The following MRLN variants were observed in gnomAD, a reference collection of about 807,000 sequenced individuals.
MRLN encodes myoregulin.
intron 1 of MRLN, among the ~76,000 whole-genome samples, chr10:59,745,965 C>T (rs751311322): frequency 6.6e-6 from 1 of 152,180 alleles, no homozygotes; most frequent in Non-Finnish European, 1.5e-5. Flanking sequence ...AAAAGTATTA[C>T]GAGTTCTGAG....
In MRLN at chr10:59,738,510, C is replaced by T. The variant is rs1840947127; in HGVS notation, c.-72G>A. 1 of 152,188 alleles carries T rather than the reference C, an allele frequency of 6.6e-6. No individual in the cohort carries two copies. Among genetic ancestry groups the T allele is most frequent in the Non-Finnish European group, 1.5e-5 (1 of 68,044 alleles). The allele number at this position is 152,188 out of a possible 1,614,324, so 9.4% of individuals were successfully genotyped here. A position where few individuals can be genotyped will look rare whatever the true frequency, so the allele number is the denominator to read the frequency against. Reference sequence around the variant, plus strand: ...TAACACGGCTTCTCAGTTTTCTGCTCTTGCCAGAACAAAGTGTATTCAGCA... The same window carrying T: ...TAACACGGCTTCTCAGTTTTCTGCTTTTGCCAGAACAAAGTGTATTCAGCA... On this transcript the variant is annotated 5_prime_UTR_variant, in exon 2 of 3. Transcript: ENST00000414264.
chr10:59,750,158 C>T (rs535341901), intron 1 of MRLN, among the ~76,000 whole-genome samples: 46 of 150,452 alleles, frequency 3.1e-4, no homozygotes, highest in Admixed American at 3.0e-3. Context: ...CTGCAACCTC[C>T]GCCTCCTGGG....
intron 1 of MRLN, among the ~76,000 whole-genome samples, chr10:59,743,059 C>T (rs1247800288): frequency 1.3e-5 from 2 of 151,948 alleles, no homozygotes; most frequent in African/African-American, 4.8e-5. Context: ...ATATGTTAGA[C>T]TTCATAATTA....
chr10:59,739,740 G>GCAGT (rs1394310981), intron 1 of MRLN: 1 of 152,210 alleles, frequency 6.6e-6, no homozygotes, highest in African/African-American at 2.4e-5. Flanking sequence ...TTAACCATGT[G>GCAGT]CAGTCACACA....
At chr10:59,745,031 G>T (rs1841028688) in intron 1 of MRLN, among the ~76,000 whole-genome samples, 1 of 151,922 alleles carries the variant, frequency 6.6e-6, no homozygotes, top group Non-Finnish European at 1.5e-5. Context: ...ATGTTTATCT[G>T]CTGACCTTCC....
rs534210590 is a variant in MRLN at position 59,747,720 on chromosome 10, C to G, written c.-125+5634G>C. Among the ~76,000 whole-genome samples the G allele has an allele frequency of 3.3e-5, 5 of 152,298 alleles. No homozygotes were observed. The South Asian group carries it at 1.0e-3, about 32-fold the overall frequency. ...GTATCATGGTTGTTTACATGCAATA[C>G]GCTATAGTCAGTGATGCTTTCCTAG... On this transcript the variant is annotated intron_variant, in intron 1 of 2. Transcript: ENST00000414264.
At chr10:59,744,471 C>T (rs1407278973) in intron 1 of MRLN, among the ~76,000 whole-genome samples, 4 of 150,784 alleles carry the variant, frequency 2.7e-5, no homozygotes, top group Non-Finnish European at 4.4e-5. Flanking sequence ...CCCGGCCAGC[C>T]GCCCCGTCCG....
At chr10:59,744,420 G>A (rs1480542257) in intron 1 of MRLN, among the ~76,000 whole-genome samples, 12 of 151,446 alleles carry the variant, frequency 7.9e-5, no homozygotes, top group Non-Finnish European at 1.5e-4. Context: ...GACCCCCTCC[G>A]CCCGGCAGCT....
At chr10:59,752,839 T>G (rs2070174463) in intron 1 of MRLN, among the ~76,000 whole-genome samples, 1 of 152,090 alleles carries the variant, frequency 6.6e-6, no homozygotes, top group Non-Finnish European at 1.5e-5. Context: ...AAGGAAGGAA[T>G]GAATCCATGG....
Position 59,737,172 on chromosome 10 carries a change from G to A in MRLN, c.29C>T (p.Ser10Phe), listed in dbSNP as rs1396638110. 1 of 397,794 alleles carries A rather than the reference G, an allele frequency of 2.5e-6. No individual in the cohort carries two copies. The highest frequency in any genetic ancestry group is 2.1e-5 in the African/African-American group (1 of 48,596). 24.6% of individuals were successfully genotyped at this position (397,794 alleles called of 1,614,324 possible). A position where few individuals can be genotyped will look rare whatever the true frequency, so the allele number is the denominator to read the frequency against. ...TTCTAGACTTTTGGGAGTAGTAGTAGAAATTAATATCCAGTTTTTACCAGT... is the reference window on the plus strand; with the variant it reads ...TTCTAGACTTTTGGGAGTAGTAGTAAAAATTAATATCCAGTTTTTACCAGT... The part of the protein sequence containing the change: MTGKNWILI[S>F]TTTPKSLEDE... Residue 10 changes from serine (S) to phenylalanine (F), a missense_variant, in exon 3 of 3, where the codon TCT becomes TTT. Ser to Phe is a radical substitution (Grantham distance 155). Transcript: ENST00000414264.
chr10:59,737,273 C>A (rs1840934804), intron 2 of MRLN, 53 bp from the exon 3 acceptor site: 2 of 386,108 alleles, frequency 5.2e-6, no homozygotes, highest in Non-Finnish European at 9.2e-6. Context: ...AATACTGATT[C>A]TTTCAACTCA....
At chr10:59,744,032 G>T (rs1220592989) in intron 1 of MRLN, among the ~76,000 whole-genome samples, 1 of 152,108 alleles carries the variant, frequency 6.6e-6, no homozygotes, top group Non-Finnish European at 1.5e-5. Flanking sequence ...CCTCCCAGCC[G>T]CCTGCCTTGG....
chr10:59,740,268 C>A (rs1343609506), intron 1 of MRLN, among the ~76,000 whole-genome samples: 1 of 138,100 alleles, frequency 7.2e-6, no homozygotes, highest in Non-Finnish European at 1.5e-5. Context: ...ATGTATGGTA[C>A]ATAATACTTG....
chr10:59,742,705 T>C (rs1383241017), intron 1 of MRLN, among the ~76,000 whole-genome samples: 1 of 151,836 alleles, frequency 6.6e-6, no homozygotes, highest in East Asian at 1.9e-4. Context: ...TTTTCCTTCC[T>C]TCCCTTTCTT....
intron 1 of MRLN, among the ~76,000 whole-genome samples, chr10:59,745,411 TTC>T (rs1841033374): frequency 6.6e-6 from 1 of 152,066 alleles, no homozygotes; most frequent in Non-Finnish European, 1.5e-5. Context: ...GACCTTCCAT[TTC>T]TGATATGACA....
chr10:59,750,564 G>T (rs923047629), intron 1 of MRLN, among the ~76,000 whole-genome samples: 1 of 152,190 alleles, frequency 6.6e-6, no homozygotes, highest in African/African-American at 2.4e-5. Flanking sequence ...CCATATTCTT[G>T]CCCTAAACAG....
chr10:59,744,560 C>T (rs1053919216), intron 1 of MRLN, among the ~76,000 whole-genome samples: 2 of 152,040 alleles, frequency 1.3e-5, no homozygotes, highest in African/African-American at 2.4e-5. Context: ...GCCGCCCCTA[C>T]TGGGAAGTGA....
chr10:59,749,701 A>C (rs1452756464), intron 1 of MRLN, among the ~76,000 whole-genome samples: 1 of 151,898 alleles, frequency 6.6e-6, no homozygotes, highest in African/African-American at 2.4e-5. Flanking sequence ...CAAAACAAGC[A>C]AACAAAAAAA....
intron 1 of MRLN, among the ~76,000 whole-genome samples, chr10:59,742,650 C>T (rs1439335994): frequency 6.6e-6 from 1 of 151,292 alleles, no homozygotes; most frequent in Non-Finnish European, 1.5e-5. Context: ...TGATTTATTT[C>T]CTTCCTTCCT....
Sources: allele counts gnomAD v4.1 joint callset (sites outside exome capture counted in the v4.1 genomes callset), GRCh38; gene constraint gnomAD v4.1.1; transcripts MANE v1.5; gene names NCBI Gene and HGNC (gene_info 2026-07-23, HGNC 2026-07-21).